The following TRPC4 variants were observed in gnomAD, a reference collection of about 807,000 sequenced individuals.
TRPC4 encodes the protein transient receptor potential cation channel subfamily C member 4.
In TRPC4, 49 loss-of-function variants were observed where a neutral mutation model predicts 99.4. The ratio of observed to expected loss-of-function variants is 0.49; its 90% CI spans 0.39 to 0.63. The LOEUF is 0.63. Among genes scored for constraint, TRPC4 ranks in the 20% least tolerant of loss-of-function variants. TRPC4 has a pLI of 0.00. For missense variants in TRPC4, 898 were observed against 1,152.9 expected, an observed-to-expected ratio of 0.78 and a Z score of 3.20; for synonymous variants, 454 against 425.9, an observed-to-expected ratio of 1.07 and a Z score of -0.81.
chr13:37,719,520 A>G (rs913228743), intron 3 of TRPC4, among the ~76,000 whole-genome samples: 1 of 152,196 alleles, frequency 6.6e-6, no homozygotes, highest in Non-Finnish European at 1.5e-5. Flanking sequence ...GAACATTAGA[A>G]AAGGCAAATA....
At chr13:37,820,289 G>T (rs1009603756) in intron 1 of TRPC4, among the ~76,000 whole-genome samples, 1 of 151,944 alleles carries the variant, frequency 6.6e-6, no homozygotes, top group Non-Finnish European at 1.5e-5. Context: ...TTTGGAAATT[G>T]AATCAGTAAT....
rs1954421616 is a variant in TRPC4, at chr13:37,709,928, C to T, written c.898-17593G>A. Among the ~76,000 whole-genome samples the T allele has an allele frequency of 1.3e-5, 2 of 151,710 alleles. 1 individual carries two copies. Among genetic ancestry groups the T allele is most frequent in the South Asian group, 4.1e-4 (2 of 4,824 alleles). The stretch of plus-strand genomic sequence containing the variant: ...TTTACCTACTGTTATCAAAATTGTG[C>T]CTGTGTTATTTTATGGCTTTAAGAT... On this transcript the variant is annotated intron_variant, in intron 3 of 10. Transcript: ENST00000379705.
Position 37,634,570 on chromosome 13 carries a change from G to A in TRPC4, c.*2333C>T, listed in dbSNP as rs1016365391. Among the ~76,000 whole-genome samples the A allele has an allele frequency of 1.3e-5, 2 of 151,890 alleles. No individual in the cohort carries two copies. Among genetic ancestry groups the A allele is most frequent in the African/African-American group, 2.4e-5 (1 of 41,342 alleles). On this transcript the variant is annotated 3_prime_UTR_variant, in exon 11 of 11. Transcript: ENST00000379705. ...CCCTGATATAAATAAGCTACTGGGGGAAAAAAGGTTTTGTTGCTTGTACTG... is the reference window on the plus strand; with the variant it reads ...CCCTGATATAAATAAGCTACTGGGGAAAAAAAGGTTTTGTTGCTTGTACTG...
rs1170684708 is a variant in TRPC4, at chr13:37,634,206, AC to A, written c.*2696del. On this transcript the variant is annotated 3_prime_UTR_variant, in exon 11 of 11. Transcript: ENST00000379705. The stretch of plus-strand genomic sequence containing the variant: ...GATAGAAATATGAATAGAAACGAAC[AC>A]CCTGAAGTACGCACTTACAAACCTC... Among the ~76,000 whole-genome samples the A allele has an allele frequency of 1.3e-5, 2 of 151,988 alleles. No individual in the cohort carries two copies. Among genetic ancestry groups the A allele is most frequent in the Non-Finnish European group, 1.5e-5 (1 of 67,932 alleles).
intron 3 of TRPC4, among the ~76,000 whole-genome samples, chr13:37,739,729 C>T (rs1955525750): frequency 6.6e-6 from 1 of 151,974 alleles, no homozygotes. Context: ...TGCTCTCAAA[C>T]TCCTGACCTT....
chr13:37,694,934 C>A (rs555300646), intron 3 of TRPC4, among the ~76,000 whole-genome samples: 1 of 152,156 alleles, frequency 6.6e-6, no homozygotes, highest in Non-Finnish European at 1.5e-5. Flanking sequence ...TGTCTCCTTT[C>A]GACCAAACAT....
intron 2 of TRPC4, among the ~76,000 whole-genome samples, chr13:37,753,207 G>A (rs1955985932): frequency 1.3e-5 from 2 of 151,986 alleles, no homozygotes; most frequent in African/African-American, 4.8e-5. Flanking sequence ...GAGAAGACAT[G>A]AGAGATACAT....
chr13:37,675,287 C>T (rs749007050), intron 4 of TRPC4, among the ~76,000 whole-genome samples: 7 of 152,060 alleles, frequency 4.6e-5, no homozygotes, highest in Non-Finnish European at 1.0e-4. Flanking sequence ...ATCAGAGAGA[C>T]GAGAAATCAA....
At chr13:37,707,344 C>T (rs1378200643) in intron 3 of TRPC4, among the ~76,000 whole-genome samples, 2 of 152,064 alleles carry the variant, frequency 1.3e-5, no homozygotes, top group Non-Finnish European at 2.9e-5. Context: ...CTTCAATATT[C>T]AGTATCACTC....
At chr13:37,776,582 A>T (rs2139318104) in intron 2 of TRPC4, among the ~76,000 whole-genome samples, 1 of 152,094 alleles carries the variant, frequency 6.6e-6, no homozygotes, top group Non-Finnish European at 1.5e-5. Context: ...TAATAAAAAC[A>T]AATAGAAAGG....
At chr13:37,663,310 T>A (rs1169737435) in intron 6 of TRPC4, 106 bp downstream of exon 6, 1 of 1,083,814 alleles carries the variant, frequency 9.2e-7, no homozygotes, top group African/African-American at 1.6e-5. Flanking sequence ...ACAATTTTAG[T>A]TCCCCATTTT....
intron 1 of TRPC4, among the ~76,000 whole-genome samples, chr13:37,793,946 G>GA (rs1957185067): frequency 6.6e-6 from 1 of 152,014 alleles, no homozygotes; most frequent in Non-Finnish European, 1.5e-5. Context: ...TAATTGTTGG[G>GA]AAAAAATAGA....
At chr13:37,670,945 A>G (rs752613980) in intron 5 of TRPC4, among the ~76,000 whole-genome samples, 4 of 152,170 alleles carry the variant, frequency 2.6e-5, no homozygotes, top group African/African-American at 4.8e-5. Flanking sequence ...ATTACAGAAA[A>G]GTTCAGTTCC....
intron 4 of TRPC4, among the ~76,000 whole-genome samples, chr13:37,678,445 T>C (rs1260946599): frequency 1.3e-5 from 2 of 152,016 alleles, no homozygotes; most frequent in African/African-American, 2.4e-5. Flanking sequence ...ATAGATCTTA[T>C]AGATATTATA....
intron 2 of TRPC4, among the ~76,000 whole-genome samples, chr13:37,770,365 G>A (rs1688059007): frequency 6.6e-6 from 1 of 151,452 alleles, no homozygotes; most frequent in African/African-American, 2.4e-5. Context: ...ATGTCAAAAT[G>A]CACTTTAATT....
At chr13:37,816,807 T>C (rs1188811084) in intron 1 of TRPC4, among the ~76,000 whole-genome samples, 1 of 152,050 alleles carries the variant, frequency 6.6e-6, no homozygotes, top group East Asian at 1.9e-4. Flanking sequence ...GAAAAGGCTT[T>C]CAATACAATT....
chr13:37,858,533 G>A lies in TRPC4; in HGVS notation c.-28+11062C>T, dbSNP rs142030718. On this transcript the variant is annotated intron_variant, in intron 1 of 10. Transcript: ENST00000379705. ...AAATTTGTAAGCAACCTAAGTATCC[G>A]TCAACAGATGAATGGATAAAGAAAA... Among the ~76,000 whole-genome samples the A allele has an allele frequency of 3.7e-3, 560 of 151,524 alleles. 3 individuals carry two copies. The highest frequency in any genetic ancestry group is 0.013 in the African/African-American group (544 of 41,480).
chr13:37,844,641 C>T (rs1958839395), intron 1 of TRPC4, among the ~76,000 whole-genome samples: 1 of 152,106 alleles, frequency 6.6e-6, no homozygotes, highest in South Asian at 2.1e-4. Flanking sequence ...CTTTTCCACC[C>T]AGCCCAGATG....
At position 37,752,586 on chromosome 13, in the gene TRPC4, G is replaced by GC. The variant is rs543969581; in HGVS notation, c.379-6132dup. ...CTAGAAAGACCAAAATACCACTTCT[G>GC]CCCCCCTCCCCCTCCCACACCCTTT... On this transcript the variant is annotated intron_variant, in intron 2 of 10. Coordinates refer to ENST00000379705, the MANE Select transcript of TRPC4 (RefSeq NM_016179.4). Among the ~76,000 whole-genome samples the GC allele has an allele frequency of 9.3e-5, 14 of 151,048 alleles. No homozygotes were observed. In the East Asian group the frequency reaches 2.6e-3, roughly 28 times the overall value.
Sources: gnomAD v4.1 joint callset for allele counts (sites outside exome capture counted in the v4.1 genomes callset) on GRCh38, gnomAD v4.1.1 for gene constraint, MANE v1.5 for transcripts, NCBI Gene and HGNC (gene_info 2026-07-23, HGNC 2026-07-21) for gene names.